Variants in BRSK1 observed in about 807,000 individuals in gnomAD.
The protein encoded by BRSK1 is BR serine/threonine kinase 1.
A neutral mutation model predicts 86.2 loss-of-function variants in BRSK1; 17 were observed. The observed-to-expected ratio is 0.20, with a 90% confidence interval of 0.14 to 0.30. BRSK1 has a LOEUF of 0.30. Among genes scored for constraint, BRSK1 ranks in the 10% least tolerant of loss-of-function variants. The pLI is 1.00. For synonymous variants in BRSK1, 464 were observed against 440.1 expected, an observed-to-expected ratio of 1.05 and a Z score of -0.68; for missense variants, 719 against 1,071.9, an observed-to-expected ratio of 0.67 and a Z score of 4.60.
intron 7 of BRSK1, among the ~76,000 whole-genome samples, chr19:55,295,279 C>T (rs987167962): frequency 2.0e-5 from 3 of 152,044 alleles, no homozygotes; most frequent in Admixed American, 6.6e-5. Context: ...CTTGCCAACA[C>T]GCCCAGCTAA....
rs753259447 is a variant in BRSK1, at chr19:55,287,780, C to G, written c.317+481C>G. 1.8e-4 allele frequency among the ~76,000 whole-genome samples: 28 copies of G among 152,358 alleles called. No individual in the cohort carries two copies. The Middle Eastern group carries it at 0.014, about 74-fold the overall frequency. On this transcript the variant is annotated intron_variant, in intron 3 of 18. Coordinates refer to ENST00000309383, the MANE Select transcript of BRSK1 (RefSeq NM_032430.2). This position sits in a 1 kb window ranked among gnomAD's most constrained non-coding sequence, Gnocchi z 5.3. Reference sequence around the variant, plus strand: ...CCAACAATGGGCCGCCTTAGGAGGTCTGAGTCACTATCTCAAAGTCAATCA... The same window carrying G: ...CCAACAATGGGCCGCCTTAGGAGGTGTGAGTCACTATCTCAAAGTCAATCA...
chr19:55,308,532 A>G (rs757612848), intron 17 of BRSK1, 107 bp from the exon 18 acceptor site: 3 of 755,458 alleles, frequency 4.0e-6, no homozygotes, highest in African/African-American at 1.8e-5. Context: ...ACGGAGATGC[A>G]GGGGGGGTGT....
chr19:55,286,878 T>G lies in BRSK1; in HGVS notation c.137-129T>G, dbSNP rs1363346485. ...CTCAGCCCCAGGAGTTCAGGTCTGA[T>G]GTGTTCAGGCCATTGTTAAACAGCC... On this transcript the variant is annotated intron_variant, in intron 1 of 18. Coordinates refer to ENST00000309383, the MANE Select transcript of BRSK1 (RefSeq NM_032430.2). 4 of 766,378 alleles carry G rather than the reference T, an allele frequency of 5.2e-6. No individual in the cohort carries two copies. In the East Asian group the frequency reaches 1.1e-4, roughly 20 times the overall value. The allele number at this position is 766,378 out of a possible 1,614,324, so 47.5% of individuals were successfully genotyped here. A position where few individuals can be genotyped will look rare whatever the true frequency, so the allele number is the denominator to read the frequency against.
rs12972487 is a variant in BRSK1, at chr19:55,306,169, C to T, written c.1891-83C>T. 127,888 of 1,403,370 alleles carry T rather than the reference C, an allele frequency of 0.091. 6,759 individuals are homozygous for T. The highest frequency in any genetic ancestry group is 0.18 in the African/African-American group (12,967 of 70,644). 86.9% of individuals were successfully genotyped at this position (1,403,370 alleles called of 1,614,324 possible). ...TTTCCCTCCAGTGGCTCATGGGACTCGTAGTTCCTTGGCCAGAGCTGGTCG... is the reference window on the plus strand; with the variant it reads ...TTTCCCTCCAGTGGCTCATGGGACTTGTAGTTCCTTGGCCAGAGCTGGTCG... On this transcript the variant is annotated intron_variant, in intron 16 of 18. Coordinates refer to ENST00000309383, the MANE Select transcript of BRSK1 (RefSeq NM_032430.2). This position sits in a 1 kb window ranked among gnomAD's most constrained non-coding sequence, Gnocchi z 4.7.
rs1568981847 is a variant in BRSK1 at position 55,294,155 on chromosome 19, GA to G, written c.575+23del. 1 of 1,611,402 alleles carries G rather than the reference GA, an allele frequency of 6.2e-7. No homozygotes were observed. Among genetic ancestry groups the G allele is most frequent in the East Asian group, 2.2e-5 (1 of 44,814 alleles). On this transcript the variant is annotated intron_variant, in intron 5 of 18. Coordinates refer to ENST00000309383, the MANE Select transcript of BRSK1 (RefSeq NM_032430.2). The surrounding 1 kb of genome is among the most constrained non-coding windows in gnomAD (Gnocchi z 4.9). ...GCGGGTGAGTGGGGACTGGGCTCCC[GA>G]GACCCTGGGCAGGGGTTTAGAAGCT...
intron 4 of BRSK1, among the ~76,000 whole-genome samples, chr19:55,290,904 G>A (rs2088395848): frequency 6.6e-6 from 1 of 151,832 alleles, no homozygotes; most frequent in Non-Finnish European, 1.5e-5. Flanking sequence ...GCCTCCCAAA[G>A]TGCTGGGATT....
rs1195880364 is a variant in BRSK1 at position 55,310,549 on chromosome 19, A to G, written c.2180-1362A>G. ...GGGGGCCGTTATTCAGCCTAGCCCA[A>G]CCCCCTAGGGACATTTAGTAATGTC... On this transcript the variant is annotated intron_variant, in intron 18 of 18. Transcript: ENST00000309383. The surrounding 1 kb of genome is among the most constrained non-coding windows in gnomAD (Gnocchi z 5.0). 6.6e-6 allele frequency among the ~76,000 whole-genome samples: 1 copy of G among 151,578 alleles called. No homozygotes were observed. The highest frequency in any genetic ancestry group is 1.5e-5 in the Non-Finnish European group (1 of 67,850).
At position 55,305,542 on chromosome 19, in the gene BRSK1, C is replaced by T. The variant is rs1254807446; in HGVS notation, c.1846C>T (p.Pro616Ser). The change falls in exon 16 of 19, where the codon CCT becomes TCT. Residue 616 changes from proline to serine, a missense_variant. Pro to Ser is a moderately conservative substitution (Grantham distance 74). Around this residue, in one of 6 missense-constraint regions of BRSK1, gnomAD observed 180 missense variants for 259.4 expected, o/e 0.69. Coordinates refer to ENST00000309383, the MANE Select transcript of BRSK1 (RefSeq NM_032430.2). ...EQIFLVLKDK[P>S]LSSIKADIVH... ...AATATTCCTCGTGCTAAAGGACAAA[C>T]CTCTCAGCAGCATCAAAGCAGACAT... The T allele has an allele frequency of 6.2e-7, 1 of 1,614,208 alleles. No individual in the cohort carries two copies.
At position 55,303,669 on chromosome 19, in the gene BRSK1, C is replaced by T; in HGVS notation, c.1129C>T (p.Pro377Ser). 6.3e-7 allele frequency: 1 copy of T among 1,596,766 alleles called. No homozygotes were observed. The highest frequency in any genetic ancestry group is 8.5e-7 in the Non-Finnish European group (1 of 1,171,100). The stretch of plus-strand genomic sequence containing the variant: ...GGGTTGAAACTGTTGTCCCTCAGAC[C>T]CCCCCCGGAAGCGTGTGGATTCTCC... The part of the protein sequence containing the change: ...QDLPPRNDVD[P>S]PRKRVDSPML... Residue 377 changes from proline (P) to serine (S), a missense_variant and splice_region_variant, in exon 12 of 19, where the codon CCC becomes TCC. Physicochemically the swap from Pro to Ser is moderately conservative, Grantham distance 74. This residue lies in a region of BRSK1 where 168 missense variants were observed against 246.3 expected (regional missense o/e 0.68). Transcript: ENST00000309383. The surrounding 1 kb of genome is among the most constrained non-coding windows in gnomAD (Gnocchi z 5.1).
At chr19:55,297,463 C>T (rs1036760961) in intron 7 of BRSK1, among the ~76,000 whole-genome samples, 5 of 152,176 alleles carry the variant, frequency 3.3e-5, no homozygotes, top group African/African-American at 9.7e-5. Context: ...GGCCCACGGG[C>T]ACGCAGCTGA....
Position 55,302,824 on chromosome 19 carries a change from T to C in BRSK1, c.985T>C (p.Phe329Leu). Residue 329 changes from phenylalanine (F) to leucine (L), a missense_variant, in exon 10 of 19, where the codon TTC (phenylalanine) becomes CTC (leucine). Physicochemically the swap from Phe to Leu is conservative, Grantham distance 22 (BLOSUM62 0). Transcript: ENST00000309383. The surrounding 1 kb of genome is among the most constrained non-coding windows in gnomAD (Gnocchi z 6.3). ...VLESMASLGC[F>L]RDRERLHREL... is the part of the protein sequence containing the mutation. ...AGAGAGCATGGCATCACTGGGCTGC[T>C]TCAGGGACCGCGAGAGGCTGCATCG... 6.2e-7 allele frequency: 1 copy of C among 1,613,788 alleles called. No homozygotes were observed. Among genetic ancestry groups the C allele is most frequent in the Non-Finnish European group, 8.5e-7 (1 of 1,179,936 alleles).
At position 55,302,965 on chromosome 19, in the gene BRSK1, C is replaced by T; in HGVS notation, c.1028+98C>T. 6.8e-7 allele frequency: 1 copy of T among 1,464,502 alleles called. No individual in the cohort carries two copies. Among genetic ancestry groups the T allele is most frequent in the Non-Finnish European group, 9.2e-7 (1 of 1,091,404 alleles). 90.7% of individuals were successfully genotyped at this position (1,464,502 alleles called of 1,614,324 possible). A position where few individuals can be genotyped will look rare whatever the true frequency, so the allele number is the denominator to read the frequency against. On this transcript the variant is annotated intron_variant, in intron 10 of 18. Transcript: ENST00000309383. The surrounding 1 kb of genome is among the most constrained non-coding windows in gnomAD (Gnocchi z 6.3). ...AGTGCTGGGCGAGGAACCCTGGCCT[C>T]TCATGGGGCATGGTTTGAAGCTCCC...
chr19:55,307,657 G>A (rs886374371), intron 17 of BRSK1, among the ~76,000 whole-genome samples: 4 of 150,892 alleles, frequency 2.7e-5, no homozygotes, highest in South Asian at 2.1e-4. Context: ...TTGGGAAGCC[G>A]AGGTGGGAGG....
In BRSK1 at chr19:55,302,988, C is replaced by G; in HGVS notation, c.1028+121C>G. On this transcript the variant is annotated intron_variant, in intron 10 of 18. Transcript: ENST00000309383. This position sits in a 1 kb window ranked among gnomAD's most constrained non-coding sequence, Gnocchi z 6.3. ...CTCTCATGGGGCATGGTTTGAAGCT[C>G]CCGCCTGGGAGTGATGGAACCAGCG... is the stretch of plus-strand genomic sequence containing the variant. 2 of 1,328,272 alleles carry G rather than the reference C, an allele frequency of 1.5e-6. No individual in the cohort carries two copies. The highest frequency in any genetic ancestry group is 1.0e-6 in the Non-Finnish European group (1 of 991,468). The allele number at this position is 1,328,272 out of a possible 1,614,324, so 82.3% of individuals were successfully genotyped here.
chr19:55,294,151 TC>T lies in BRSK1; in HGVS notation c.575+21del, dbSNP rs1469034747. ...AGCTGCGGGTGAGTGGGGACTGGGC[TC>T]CCGAGACCCTGGGCAGGGGTTTAGA... is the stretch of plus-strand genomic sequence containing the variant. On this transcript the variant is annotated intron_variant, in intron 5 of 18. Coordinates refer to ENST00000309383, the MANE Select transcript of BRSK1 (RefSeq NM_032430.2). The surrounding 1 kb of genome is among the most constrained non-coding windows in gnomAD (Gnocchi z 4.9). The T allele has an allele frequency of 6.2e-7, 1 of 1,611,426 alleles. No homozygotes were observed. The highest frequency in any genetic ancestry group is 8.5e-7 in the Non-Finnish European group (1 of 1,178,110).
In BRSK1 at chr19:55,302,788, C is replaced by T; in HGVS notation, c.949C>T (p.Pro317Ser). 3 of 1,613,860 alleles carry T rather than the reference C, an allele frequency of 1.9e-6. No individual in the cohort carries two copies. In the Admixed American group the frequency reaches 5.0e-5, roughly 27 times the overall value. Reference sequence around the variant, plus strand: ...CCTGCCATCCAACGGAGAGCTGGACCCCGACGTCCTAGAGAGCATGGCATC... The same window carrying T: ...CCTGCCATCCAACGGAGAGCTGGACTCCGACGTCCTAGAGAGCATGGCATC... ...RSLPSNGELD[P>S]DVLESMASLG... is the part of the protein sequence containing the mutation. The change falls in exon 10 of 19, where the codon CCC becomes TCC. Residue 317 changes from proline to serine, a missense_variant. Around this residue, in one of 6 missense-constraint regions of BRSK1, gnomAD observed 168 missense variants for 246.3 expected, o/e 0.68. Transcript: ENST00000309383. This position sits in a 1 kb window ranked among gnomAD's most constrained non-coding sequence, Gnocchi z 6.3.
In BRSK1 at chr19:55,304,433, G is replaced by C. The variant is rs1026267330; in HGVS notation, c.1348-118G>C. The C allele has an allele frequency of 9.8e-6, 12 of 1,226,678 alleles. No individual in the cohort carries two copies. Among genetic ancestry groups the C allele is most frequent in the African/African-American group, 4.6e-5 (3 of 64,674 alleles). The allele number at this position is 1,226,678 out of a possible 1,614,324, so 76.0% of individuals were successfully genotyped here. A position where few individuals can be genotyped will look rare whatever the true frequency, so the allele number is the denominator to read the frequency against. On this transcript the variant is annotated intron_variant, in intron 13 of 18. Transcript: ENST00000309383. This position sits in a 1 kb window ranked among gnomAD's most constrained non-coding sequence, Gnocchi z 5.2. ...TGGGGCCTGGGAAGGAGGATACTTG[G>C]ACTACAAGTTGCAGCATGCACCGGG...
rs372052269 is a variant in BRSK1 at position 55,312,533 on chromosome 19, C to CAAAAAAAAAAAAAAAAA, written c.*478_*494dup. 4 of 25,736 alleles carry CAAAAAAAAAAAAAAAAA rather than the reference C, an allele frequency of 1.6e-4. No individual in the cohort carries two copies. Among genetic ancestry groups the CAAAAAAAAAAAAAAAAA allele is most frequent in the Non-Finnish European group, 1.9e-4 (3 of 16,036 alleles). 1.6% of individuals were successfully genotyped at this position (25,736 alleles called of 1,614,324 possible). On this transcript the variant is annotated 3_prime_UTR_variant, in exon 19 of 19. Transcript: ENST00000309383. ...TCCGTGTCTCTGATTCCGCCGGCGG[C>CAAAAAAAAAAAAAAAAA]AAAAAAAAAAAAAAAAAAAAAAAAA...
chr19:55,308,694 C>T lies in BRSK1; in HGVS notation c.2145C>T (p.Ser715=), dbSNP rs2088706161. 2 of 1,601,916 alleles carry T rather than the reference C, an allele frequency of 1.2e-6. No homozygotes were observed. Among genetic ancestry groups the T allele is most frequent in the South Asian group, 1.1e-5 (1 of 90,844 alleles). ...VVETIQAQLL[S]THDQPSVQAL... The stretch of plus-strand genomic sequence containing the variant: ...AGACCATCCAGGCACAGCTCCTGAG[C>T]ACTCATGACCAGCCCTCCGTGCAGG... Residue 715 remains serine, a synonymous_variant, in exon 18 of 19, where the codon AGC becomes AGT. Coordinates refer to ENST00000309383, the MANE Select transcript of BRSK1 (RefSeq NM_032430.2).
Sources: allele counts gnomAD v4.1 joint callset (sites outside exome capture counted in the v4.1 genomes callset), GRCh38; gene constraint gnomAD v4.1.1; regional missense constraint gnomAD v4.1.1; non-coding constraint Gnocchi (gnomAD v3.1); transcripts MANE v1.5; gene names NCBI Gene and HGNC (gene_info 2026-07-23, HGNC 2026-07-21).